Variants in FAT1 observed in about 807,000 individuals in gnomAD.
FAT1 encodes the protein FAT atypical cadherin 1, also known as protocadherin Fat 1.
In FAT1, 171 loss-of-function variants were observed where a neutral mutation model predicts 329.8. The observed-to-expected ratio is 0.52, with a 90% confidence interval of 0.46 to 0.59. FAT1 has a LOEUF of 0.59. Among genes scored for constraint, FAT1 ranks in the 20% least tolerant of loss-of-function variants. The pLI, the probability that FAT1 is intolerant of heterozygous loss-of-function variation, is 0.00. For synonymous variants in FAT1, 2,233 were observed against 2,228.6 expected, an observed-to-expected ratio of 1.00 and a Z score of -0.06; for missense variants, 5,672 against 5,774.4, an observed-to-expected ratio of 0.98 and a Z score of 0.57.
chr4:186,710,840 C>T (rs1744914905), intron 1 of FAT1, among the ~76,000 whole-genome samples: 1 of 152,088 alleles, frequency 6.6e-6, no homozygotes, highest in Non-Finnish European at 1.5e-5. Context: ...CAGGACAGTC[C>T]CTGGGTGACT....
intron 1 of FAT1, among the ~76,000 whole-genome samples, chr4:186,712,017 C>T (rs1326538339): frequency 6.6e-6 from 1 of 152,126 alleles, no homozygotes; most frequent in Non-Finnish European, 1.5e-5. Flanking sequence ...ACATTTTTAC[C>T]ATCATCCATT....
At chr4:186,599,618 A>G (rs961500949) in intron 22 of FAT1, among the ~76,000 whole-genome samples, 4 of 152,144 alleles carry the variant, frequency 2.6e-5, no homozygotes, top group Non-Finnish European at 2.9e-5. Context: ...GGAGTTAAAG[A>G]AGAGTTCTGA....
At chr4:186,660,817 C>T (rs950211343) in intron 3 of FAT1, among the ~76,000 whole-genome samples, 2 of 152,160 alleles carry the variant, frequency 1.3e-5, no homozygotes, top group Non-Finnish European at 2.9e-5. Context: ...TCTGGGGTCC[C>T]AGGAAGAACC....
At chr4:186,599,155 A>G (rs1738670566) in intron 22 of FAT1, among the ~76,000 whole-genome samples, 1 of 152,222 alleles carries the variant, frequency 6.6e-6, no homozygotes, top group African/African-American at 2.4e-5. Context: ...TAATATGAGC[A>G]CAGTATAAAT....
chr4:186,667,809 A>C (rs2126627166), intron 2 of FAT1, among the ~76,000 whole-genome samples: 1 of 152,330 alleles, frequency 6.6e-6, no homozygotes, highest in Middle Eastern at 3.4e-3. Context: ...TAAGCCCTGG[A>C]GTGATGAGGA....
Position 186,721,510 on chromosome 4 carries a change from C to T in FAT1, c.-19+2154G>A, listed in dbSNP as rs541591329. On this transcript the variant is annotated intron_variant, in intron 1 of 26. Coordinates refer to ENST00000441802, the MANE Select transcript of FAT1 (RefSeq NM_005245.4). ...AAGAACAATTATCTAGCGCAAATCC[C>T]ACTCATAAAGATTAAACAGCACATC... Among the ~76,000 whole-genome samples, 18 of 152,338 alleles carry T rather than the reference C, an allele frequency of 1.2e-4. 1 individual carries two copies. In the South Asian group the frequency reaches 3.7e-3, roughly 32 times the overall value.
intron 1 of FAT1, among the ~76,000 whole-genome samples, chr4:186,713,844 G>A (rs865918066): frequency 1.3e-5 from 2 of 151,994 alleles, no homozygotes; most frequent in Admixed American, 6.6e-5. Context: ...CCACCAGCAC[G>A]CCTGGCTCAT....
rs2126703290 is a variant in FAT1 at position 186,709,321 on chromosome 4, T to C, written c.507A>G (p.Ala169=). The C allele has an allele frequency of 6.2e-7, 1 of 1,613,994 alleles. No individual in the cohort carries two copies. Among genetic ancestry groups the C allele is most frequent in the Non-Finnish European group, 8.5e-7 (1 of 1,179,888 alleles). The stretch of plus-strand genomic sequence containing the variant: ...TGTCTGCATCCGTGGCGCTGACTCT[T>C]GCGATACTGGTCCTTATAGCTGTGT... The part of the protein sequence containing the change: ...PENTAIRTSI[A]RVSATDADIG... Residue 169 remains alanine (A), a synonymous_variant, in exon 2 of 27, where the codon GCA becomes GCG. Coordinates refer to ENST00000441802, the MANE Select transcript of FAT1 (RefSeq NM_005245.4).
intron 1 of FAT1, among the ~76,000 whole-genome samples, chr4:186,722,879 A>T (rs1745521870): frequency 1.3e-5 from 2 of 149,948 alleles, no homozygotes; most frequent in Admixed American, 1.3e-4. Context: ...CCACTTAATG[A>T]AACCACAGTT....
chr4:186,638,969 T>G (rs1740971261), intron 4 of FAT1, among the ~76,000 whole-genome samples: 1 of 149,602 alleles, frequency 6.7e-6, no homozygotes, highest in African/African-American at 2.6e-5. Flanking sequence ...GGCCCAGAGA[T>G]CTCATCAACC....
chr4:186,669,382 C>T lies in FAT1; in HGVS notation c.3266-5769G>A, dbSNP rs1019647150. Reference sequence around the variant, plus strand: ...GTGATGCTGCTGCGTGATGCTATGACGCAGATTTGGAGCACAGGAGACAGG... The same window carrying T: ...GTGATGCTGCTGCGTGATGCTATGATGCAGATTTGGAGCACAGGAGACAGG... On this transcript the variant is annotated intron_variant, in intron 2 of 26. Transcript: ENST00000441802. 1.3e-4 allele frequency among the ~76,000 whole-genome samples: 20 copies of T among 152,298 alleles called. No individual in the cohort carries two copies. The South Asian group carries it at 3.3e-3, about 25-fold the overall frequency.
At chr4:186,616,374 C>T (rs2126483532) in intron 11 of FAT1, among the ~76,000 whole-genome samples, 1 of 152,178 alleles carries the variant, frequency 6.6e-6, no homozygotes, top group Non-Finnish European at 1.5e-5. Context: ...TCCCACAATC[C>T]CTCCTCACAC....
At chr4:186,609,573 C>T (rs528585785) in intron 15 of FAT1, among the ~76,000 whole-genome samples, 31 of 152,124 alleles carry the variant, frequency 2.0e-4, no homozygotes, top group African/African-American at 6.3e-4. Context: ...CCCGCCACCA[C>T]GCCTGGCTAA....
chr4:186,628,817 A>T, intron 7 of FAT1, 54 bp from the exon 8 acceptor site: 1 of 1,533,366 alleles, frequency 6.5e-7, no homozygotes, highest in South Asian at 1.2e-5. Context: ...GAATGTTTTA[A>T]TACTTAAAGA....
At chr4:186,608,819 G>A (rs908013804) in intron 16 of FAT1, among the ~76,000 whole-genome samples, 1 of 152,030 alleles carries the variant, frequency 6.6e-6, no homozygotes, top group African/African-American at 2.4e-5. Context: ...GCTTCTATCT[G>A]CATGCCTGTG....
chr4:186,690,354 T>C (rs948985754), intron 2 of FAT1, among the ~76,000 whole-genome samples: 1 of 152,182 alleles, frequency 6.6e-6, no homozygotes, highest in African/African-American at 2.4e-5. Flanking sequence ...CCAAAGTGAA[T>C]GATCAGAGAC....
intron 2 of FAT1, among the ~76,000 whole-genome samples, chr4:186,704,943 CT>C (rs575252840): frequency 0.057 from 6,831 of 120,566 alleles, 121 homozygotes; most frequent in Non-Finnish European, 0.084. Context: ...TCCAAAATAA[CT>C]TTTTTTTTTT....
chr4:186,691,670 T>C (rs1351030684), intron 2 of FAT1, among the ~76,000 whole-genome samples: 2 of 152,066 alleles, frequency 1.3e-5, no homozygotes, highest in African/African-American at 4.8e-5. Context: ...TAGCCGGGCA[T>C]GGTGGCATAT....
rs114332645 is a variant in FAT1 at position 186,660,088 on chromosome 4, A to T, written c.3580+3211T>A. Among the ~76,000 whole-genome samples the T allele has an allele frequency of 5.7e-3, 861 of 152,322 alleles. 1 individual carries two copies. The highest frequency in any genetic ancestry group is 9.1e-3 in the Non-Finnish European group (619 of 68,024). On this transcript the variant is annotated intron_variant, in intron 3 of 26. Coordinates refer to ENST00000441802, the MANE Select transcript of FAT1 (RefSeq NM_005245.4). ...GTCCGGATCTCTGGATTTCCAGCCC[A>T]GTGATTTCCTTGCTCAGCCGTTAAT...
Sources: allele counts gnomAD v4.1 joint callset (sites outside exome capture counted in the v4.1 genomes callset), GRCh38; gene constraint gnomAD v4.1.1; transcripts MANE v1.5; gene names NCBI Gene and HGNC (gene_info 2026-07-23, HGNC 2026-07-21).